Variants in PDE3B observed in about 807,000 individuals in gnomAD.
PDE3B encodes the protein cGMP-inhibited 3',5'-cyclic phosphodiesterase 3B.
A neutral mutation model predicts 116.8 loss-of-function variants in PDE3B; 66 were observed. That is an observed-to-expected ratio of 0.56 (90% CI 0.46 to 0.69). The LOEUF (loss-of-function observed/expected upper bound fraction) is 0.69. Among genes scored for constraint, PDE3B ranks in the 30% least tolerant of loss-of-function variants. The pLI is 0.00. For missense variants in PDE3B, 1,384 were observed against 1,368.1 expected (o/e 1.01, Z -0.18); for synonymous variants, 595 against 533.6 (o/e 1.12, Z -1.59).
At chr11:14,821,576 A>G (rs1175899384) in intron 7 of PDE3B, among the ~76,000 whole-genome samples, 1 of 152,192 alleles carries the variant, frequency 6.6e-6, no homozygotes, top group Non-Finnish European at 1.5e-5. Context: ...CTATTTTAGA[A>G]TATCATTGTA....
the PDE3B span, among the ~76,000 whole-genome samples, chr11:14,884,524 G>C: frequency 1.6e-5 from 2 of 125,814 alleles, no homozygotes; most frequent in South Asian, 6.0e-4. Flanking sequence ...ACACTCTGGG[G>C]ACTGTTGTGG....
At chr11:14,814,813 T>G (rs1303562472) in intron 5 of PDE3B, among the ~76,000 whole-genome samples, 2 of 151,836 alleles carry the variant, frequency 1.3e-5, no homozygotes, top group Non-Finnish European at 2.9e-5. Context: ...CACAAAAAAA[T>G]TAGCTGGGCG....
the PDE3B span, among the ~76,000 whole-genome samples, chr11:14,896,218 A>G: frequency 6.6e-6 from 1 of 152,142 alleles, no homozygotes; most frequent in Admixed American, 6.5e-5. Context: ...ACACTTCATG[A>G]TCTTGTTGAA....
At chr11:14,803,876 AC>A in intron 4 of PDE3B, 67 bp from the exon 5 acceptor site, 1 of 879,378 alleles carries the variant, frequency 1.1e-6, no homozygotes, top group Non-Finnish European at 1.9e-6. Flanking sequence ...TAAATTGAGA[AC>A]CATGAGGAAA....
chr11:14,850,413 C>T (rs1203820124), intron 12 of PDE3B, among the ~76,000 whole-genome samples: 2 of 151,950 alleles, frequency 1.3e-5, no homozygotes, highest in Admixed American at 6.6e-5. Flanking sequence ...GGGTGCAGCA[C>T]ACCAGCATGG....
intron 7 of PDE3B, among the ~76,000 whole-genome samples, chr11:14,826,353 G>A (rs552146279): frequency 1.1e-4 from 17 of 152,106 alleles, no homozygotes; most frequent in African/African-American, 4.1e-4. Flanking sequence ...GAAAAAATTA[G>A]TAAGATAAAT....
At chr11:14,678,863 A>G (rs191286113) in intron 1 of PDE3B, among the ~76,000 whole-genome samples, 1 of 152,260 alleles carries the variant, frequency 6.6e-6, no homozygotes, top group East Asian at 1.9e-4. Flanking sequence ...ATGTTTTCTT[A>G]TAAATCTTAT....
At position 14,766,685 on chromosome 11, in the gene PDE3B, A is replaced by C. The variant is rs184094402; in HGVS notation, c.979-5252A>C. On this transcript the variant is annotated intron_variant, in intron 1 of 15. Coordinates refer to ENST00000282096, the MANE Select transcript of PDE3B (RefSeq NM_000922.4). ...AAACAAACAAACAAACAAAAAAAAAACAGGGTATATAGATTTGCAGTTAGT... is the reference window on the plus strand; with the variant it reads ...AAACAAACAAACAAACAAAAAAAAACCAGGGTATATAGATTTGCAGTTAGT... Among the ~76,000 whole-genome samples, 294 of 151,724 alleles carry C rather than the reference A, an allele frequency of 1.9e-3. 1 individual carries two copies. The highest frequency in any genetic ancestry group is 6.5e-3 in the African/African-American group (269 of 41,502).
chr11:14,848,481 C>T (rs1847663078), intron 12 of PDE3B, among the ~76,000 whole-genome samples: 2 of 151,794 alleles, frequency 1.3e-5, no homozygotes, highest in African/African-American at 4.8e-5. Flanking sequence ...GTTGGAAGTT[C>T]GGGCCAGGGC....
intron 4 of PDE3B, among the ~76,000 whole-genome samples, chr11:14,795,056 G>C (rs1267422264): frequency 1.3e-5 from 2 of 152,134 alleles, no homozygotes. Context: ...GTCCTTTCTG[G>C]ATTTTTATAG....
chr11:14,806,340 C>G (rs1041623703), intron 5 of PDE3B, among the ~76,000 whole-genome samples: 12 of 150,116 alleles, frequency 8.0e-5, no homozygotes, highest in African/African-American at 2.9e-4. Context: ...TGCAGCTACT[C>G]GGGAGGCTGA....
the PDE3B span, chr11:14,877,449 A>AT: frequency 1.3e-5 from 2 of 152,294 alleles, no homozygotes; most frequent in Admixed American, 1.3e-4. Flanking sequence ...ATCATTTTAA[A>AT]TTTTAAATAT....
chr11:14,895,340 C>A, the PDE3B span, among the ~76,000 whole-genome samples: 11 of 152,318 alleles, frequency 7.2e-5, no homozygotes, highest in East Asian at 2.1e-3. Context: ...AGAAAAAAGT[C>A]AATAATAGTG....
At chr11:14,774,352 G>A (rs956163925) in intron 2 of PDE3B, 2 of 152,096 alleles carry the variant, frequency 1.3e-5, no homozygotes, top group African/African-American at 4.8e-5. Context: ...CCCTCAAAGG[G>A]CTAATTAATA....
chr11:14,893,666 C>G, the PDE3B span, among the ~76,000 whole-genome samples: 27 of 152,142 alleles, frequency 1.8e-4, no homozygotes, highest in African/African-American at 6.0e-4. Context: ...CAGTTTGAAT[C>G]CTTCCAACAT....
At position 14,643,863 on chromosome 11, in the gene PDE3B, C is replaced by A; in HGVS notation, c.-213C>A. On this transcript the variant is annotated 5_prime_UTR_variant, in exon 1 of 16. Transcript: ENST00000282096. ...CAGCTAAACTGGTCCTGGAGAGAAG[C>A]CCCTTCCGCCCCTCTCCTCAGCCAG... 2 of 606,606 alleles carry A rather than the reference C, an allele frequency of 3.3e-6. No individual in the cohort carries two copies. The highest frequency in any genetic ancestry group is 5.1e-6 in the Non-Finnish European group (2 of 389,752). The allele number at this position is 606,606 out of a possible 1,614,324, so 37.6% of individuals were successfully genotyped here.
chr11:14,681,492 C>T (rs1405480788), intron 1 of PDE3B, among the ~76,000 whole-genome samples: 2 of 152,086 alleles, frequency 1.3e-5, no homozygotes, highest in Non-Finnish European at 2.9e-5. Context: ...GTGAGGACTT[C>T]CCTGCCATGT....
At chr11:14,860,228 A>G (rs1555006871) in intron 13 of PDE3B, among the ~76,000 whole-genome samples, 2 of 152,208 alleles carry the variant, frequency 1.3e-5, no homozygotes, top group African/African-American at 4.8e-5. Context: ...TATCTAATAC[A>G]ATACTTTGAA....
chr11:14,768,327 T>C (rs988342914), intron 1 of PDE3B, among the ~76,000 whole-genome samples: 1 of 151,594 alleles, frequency 6.6e-6, no homozygotes, highest in African/African-American at 2.4e-5. Flanking sequence ...TGAAGTTCCC[T>C]GTATGTCACT....
Sources: gnomAD v4.1 joint callset for allele counts (sites outside exome capture counted in the v4.1 genomes callset) on GRCh38, gnomAD v4.1.1 for gene constraint, MANE v1.5 for transcripts, NCBI Gene and HGNC (gene_info 2026-07-23, HGNC 2026-07-21) for gene names.